Variants in SETDB2 observed in about 807,000 individuals in gnomAD.
SETDB2 encodes the protein histone-lysine N-methyltransferase SETDB2.
A neutral mutation model predicts 82.5 loss-of-function variants in SETDB2; 56 were observed. The observed-to-expected ratio is 0.68, with a 90% CI of 0.55 to 0.85. The LOEUF (loss-of-function observed/expected upper bound fraction) is 0.85, where lower values mean the gene tolerates loss of function less well. SETDB2 is among the 40% of genes least tolerant of loss of function. SETDB2 has a pLI of 0.00. For synonymous variants in SETDB2, 272 were observed against 284.9 expected, an observed-to-expected ratio of 0.95 and a Z score of 0.46; for missense variants, 677 against 816.4, an observed-to-expected ratio of 0.83 and a Z score of 2.08.
intron 10 of SETDB2, 30 bp downstream of exon 10, chr13:49,483,593 T>C (rs2138972957): frequency 1.3e-6 from 1 of 757,780 alleles, no homozygotes; most frequent in Non-Finnish European, 2.1e-6. Flanking sequence ...GTTGGGACCC[T>C]TCTTTTCTTT....
intron 4 of SETDB2, among the ~76,000 whole-genome samples, chr13:49,465,307 C>G (rs1958082148): frequency 6.6e-6 from 1 of 152,162 alleles, no homozygotes; most frequent in South Asian, 2.1e-4. Context: ...GAAATTATTT[C>G]CCTTTCCTCT....
intron 2 of SETDB2, among the ~76,000 whole-genome samples, chr13:49,456,163 A>T (rs1265630141): frequency 6.6e-6 from 1 of 152,174 alleles, no homozygotes; most frequent in African/African-American, 2.4e-5. Flanking sequence ...TGCTAATTAC[A>T]GGTTCAAAGA....
intron 10 of SETDB2, among the ~76,000 whole-genome samples, chr13:49,484,765 G>A (rs748675728): frequency 1.3e-5 from 2 of 152,162 alleles, no homozygotes; most frequent in East Asian, 1.9e-4. Flanking sequence ...TTTAGGGCTT[G>A]TTGATGAAGA....
At chr13:49,453,318 A>G (rs1174556005) in intron 2 of SETDB2, among the ~76,000 whole-genome samples, 1 of 148,984 alleles carries the variant, frequency 6.7e-6, no homozygotes, top group Non-Finnish European at 1.5e-5. Flanking sequence ...TTTTTTTAAG[A>G]TGGCGTCTCA....
chr13:49,484,857 G>A (rs1056828091), intron 10 of SETDB2, among the ~76,000 whole-genome samples: 3 of 152,222 alleles, frequency 2.0e-5, no homozygotes, highest in African/African-American at 7.2e-5. Flanking sequence ...TAAGGTCAGA[G>A]AATTATGAAA....
At position 49,489,885 on chromosome 13, in the gene SETDB2, C is replaced by T. The variant is rs1158731733; in HGVS notation, c.1918-937C>T. Among the ~76,000 whole-genome samples, 24 of 136,898 alleles carry T rather than the reference C, an allele frequency of 1.8e-4. 1 individual carries two copies. The highest frequency in any genetic ancestry group is 1.1e-4 in the Non-Finnish European group (7 of 62,904). 89.8% of individuals were successfully genotyped at this position (136,898 alleles called of 152,430 possible). Reference sequence around the variant, plus strand: ...TGCTGGGATTACAGGTGTGAGCCACCGCACCTGGCCTTATTTCTCCCGCCC... The same window carrying T: ...TGCTGGGATTACAGGTGTGAGCCACTGCACCTGGCCTTATTTCTCCCGCCC... On this transcript the variant is annotated intron_variant, in intron 12 of 13. Coordinates refer to ENST00000611815, the MANE Select transcript of SETDB2 (RefSeq NM_001160308.3).
At chr13:49,451,980 G>A in intron 2 of SETDB2, 71 bp downstream of exon 2, 1 of 1,164,244 alleles carries the variant, frequency 8.6e-7, no homozygotes. Flanking sequence ...GTAAGCTGAT[G>A]TGGAATTGTC....
chr13:49,492,765 CT>C lies in SETDB2; in HGVS notation c.*918del, dbSNP rs1958737753. ...CTTGAGCCTAGGGGTTCAAGACCAG[CT>C]TGGGCAACATGTCAAAACCCTGTCT... On this transcript the variant is annotated 3_prime_UTR_variant, in exon 14 of 14. Transcript: ENST00000611815. 1 of 152,180 alleles carries C rather than the reference CT, an allele frequency of 6.6e-6. No homozygotes were observed. Among genetic ancestry groups the C allele is most frequent in the African/African-American group, 2.4e-5 (1 of 41,410 alleles). The allele number at this position is 152,180 out of a possible 1,614,324, so 9.4% of individuals were successfully genotyped here.
chr13:49,466,220 G>A (rs1490560973), intron 4 of SETDB2, among the ~76,000 whole-genome samples: 1 of 152,104 alleles, frequency 6.6e-6, no homozygotes, highest in Non-Finnish European at 1.5e-5. Flanking sequence ...GATCACTTGA[G>A]TCCAGGAGTT....
rs1426007430 is a variant in SETDB2, at chr13:49,461,084, C to T, written c.143-13C>T. On this transcript the variant is annotated splice_polypyrimidine_tract_variant and intron_variant, in intron 3 of 13. Transcript: ENST00000611815. ...TAAAGGTAATGGTGATGCTGTTTTT[C>T]TGTCTTTAACAGAATACATCCAAGC... The T allele has an allele frequency of 7.5e-6, 12 of 1,601,324 alleles. No individual in the cohort carries two copies. Among genetic ancestry groups the T allele is most frequent in the Non-Finnish European group, 1.0e-5 (12 of 1,172,014 alleles).
At chr13:49,483,167 C>T (rs562914434) in intron 9 of SETDB2, among the ~76,000 whole-genome samples, 10 of 152,136 alleles carry the variant, frequency 6.6e-5, no homozygotes, top group Admixed American at 5.2e-4. Flanking sequence ...GGAATTTTAC[C>T]TTATATGACT....
rs1383627589 is a variant in SETDB2, at chr13:49,467,902, T to A, written c.247T>A (p.Ser83Thr). 1.2e-6 allele frequency: 2 copies of A among 1,611,906 alleles called. No individual in the cohort carries two copies. Among genetic ancestry groups the A allele is most frequent in the South Asian group, 2.2e-5 (2 of 90,806 alleles). ...PVTQKEQENK[S>T]NAFPSTSCEN... ...GACTCAGAAGGAACAGGAAAACAAA[T>A]CCAATGCATTTCCCTCTACATCATG... Residue 83 changes from serine to threonine, a missense_variant, in exon 5 of 14, where the codon TCC (serine) becomes ACC (threonine). By Grantham distance (58) the Ser-to-Thr change is moderately conservative. This residue lies in a region of SETDB2 where 243 missense variants were observed against 237.2 expected (regional missense o/e 1.02). Coordinates refer to ENST00000611815, the MANE Select transcript of SETDB2 (RefSeq NM_001160308.3).
intron 5 of SETDB2, among the ~76,000 whole-genome samples, chr13:49,469,390 C>G (rs975404986): frequency 2.6e-5 from 4 of 152,322 alleles, no homozygotes; most frequent in Non-Finnish European, 4.4e-5. Flanking sequence ...CCATAGCATT[C>G]TGTGGCATTG....
intron 4 of SETDB2, among the ~76,000 whole-genome samples, chr13:49,466,768 TA>T: frequency 6.7e-6 from 1 of 150,304 alleles, no homozygotes. Flanking sequence ...CCTCAGTTCC[TA>T]AATAGCTAGA....
chr13:49,476,804 T>G lies in SETDB2; in HGVS notation c.634T>G (p.Phe212Val). The G allele has an allele frequency of 6.2e-7, 1 of 1,613,586 alleles. No individual in the cohort carries two copies. The highest frequency in any genetic ancestry group is 8.5e-7 in the Non-Finnish European group (1 of 1,179,686). ...CTTTTTATTTACAGATAACTTTTCT[T>G]TCAATACCTATGTTCAGTTGGCTCG... is the stretch of plus-strand genomic sequence containing the variant. ...CNFLFTDNFS[F>V]NTYVQLARNY... Residue 212 changes from phenylalanine (F) to valine (V), a missense_variant, in exon 6 of 14, where the codon TTC becomes GTC. Coordinates refer to ENST00000611815, the MANE Select transcript of SETDB2 (RefSeq NM_001160308.3).
In SETDB2 at chr13:49,494,353, C is replaced by T. The variant is rs933087434; in HGVS notation, c.*2504C>T. The T allele has an allele frequency of 2.0e-5, 3 of 152,176 alleles. No homozygotes were observed. The highest frequency in any genetic ancestry group is 7.2e-5 in the African/African-American group (3 of 41,434). 9.4% of individuals were successfully genotyped at this position (152,176 alleles called of 1,614,324 possible). A position where few individuals can be genotyped will look rare whatever the true frequency, so the allele number is the denominator to read the frequency against. On this transcript the variant is annotated 3_prime_UTR_variant, in exon 14 of 14. Coordinates refer to ENST00000611815, the MANE Select transcript of SETDB2 (RefSeq NM_001160308.3). The stretch of plus-strand genomic sequence containing the variant: ...GGCATGCATCTCTGTATTCTTTCGG[C>T]ATAATCTGTGTCCTCCAGGGTTTGT...
chr13:49,474,804 G>A (rs1594162847), intron 5 of SETDB2, among the ~76,000 whole-genome samples: 1 of 152,324 alleles, frequency 6.6e-6, no homozygotes, highest in African/African-American at 2.4e-5. Context: ...GCCACTAGCT[G>A]CATGTGGCTG....
chr13:49,480,928 T>C lies in SETDB2; in HGVS notation c.987-19T>C, dbSNP rs1958464630. On this transcript the variant is annotated intron_variant, in intron 7 of 13. Coordinates refer to ENST00000611815, the MANE Select transcript of SETDB2 (RefSeq NM_001160308.3). ...TTTTTGAGATGTCTGATTTTCTCTT[T>C]TGCATATTTTGTTGACAGCATTTAT... is the stretch of plus-strand genomic sequence containing the variant. 5 of 1,613,164 alleles carry C rather than the reference T, an allele frequency of 3.1e-6. No individual in the cohort carries two copies. In the African/African-American group the frequency reaches 4.0e-5, roughly 13 times the overall value.
At chr13:49,480,834 C>G in intron 7 of SETDB2, 113 bp from the exon 8 acceptor site, 2 of 1,092,084 alleles carry the variant, frequency 1.8e-6, no homozygotes, top group South Asian at 3.1e-5. Flanking sequence ...CACTCTACCT[C>G]TAAGAGCTTT....
Sources: gnomAD v4.1 joint callset for allele counts (sites outside exome capture counted in the v4.1 genomes callset) on GRCh38, gnomAD v4.1.1 for gene constraint, gnomAD v4.1.1 regional missense constraint, MANE v1.5 for transcripts, NCBI Gene and HGNC (gene_info 2026-07-23, HGNC 2026-07-21) for gene names.